The following ZNF638 variants were observed in gnomAD, a reference collection of about 807,000 sequenced individuals.
ZNF638 encodes CTCL tumor antigen se33-1.
A neutral mutation model predicts 195.6 loss-of-function variants in ZNF638; 46 were observed. The ratio of observed to expected loss-of-function variants is 0.24; its 90% CI spans 0.19 to 0.30. ZNF638 has a LOEUF of 0.30. ZNF638 is among the 10% of genes least tolerant of loss of function. ZNF638 has a pLI of 1.00. For synonymous variants in ZNF638, 845 were observed against 772.0 expected (o/e 1.09, Z -1.57); for missense variants, 2,440 against 2,325.3 (o/e 1.05, Z -1.01).
chr2:71,377,207 TG>T (rs1303240691), intron 8 of ZNF638, among the ~76,000 whole-genome samples: 2 of 152,066 alleles, frequency 1.3e-5, no homozygotes, highest in Non-Finnish European at 2.9e-5. Context: ...GGAGGTTGGC[TG>T]GGTGACGGAG....
At chr2:71,428,857 T>A (rs544933736) in intron 25 of ZNF638, 5 of 403,676 alleles carry the variant, frequency 1.2e-5, no homozygotes, top group Admixed American at 4.1e-5. Context: ...TGTGACAGAT[T>A]AGAGGAAATG....
chr2:71,363,319 C>A, intron 4 of ZNF638, 128 bp downstream of exon 4: 1 of 664,758 alleles, frequency 1.5e-6, no homozygotes, highest in Non-Finnish European at 2.5e-6. Context: ...GCAAAAACCT[C>A]TATGAATCTT....
At chr2:71,367,708 G>T (rs1300829733) in intron 6 of ZNF638, among the ~76,000 whole-genome samples, 1 of 150,504 alleles carries the variant, frequency 6.6e-6, no homozygotes, top group African/African-American at 2.4e-5. Context: ...CAAAGTGCTG[G>T]GATTACAGGC....
chr2:71,411,205 G>A (rs1249924285), intron 20 of ZNF638, among the ~76,000 whole-genome samples: 1 of 150,650 alleles, frequency 6.6e-6, no homozygotes, highest in Non-Finnish European at 1.5e-5. Context: ...TCACCATGCT[G>A]GTCAGGCTGG....
In ZNF638 at chr2:71,423,658, C is replaced by T; in HGVS notation, c.4144C>T (p.Leu1382=). The change falls in exon 22 of 28, where the codon CTG becomes TTG. Residue 1382 remains leucine, a synonymous_variant. Transcript: ENST00000264447. ...KPDETSKTSI[L]AVSDVSSSKP... is the part of the protein sequence containing the mutation. ...TGATGAAACTAGTAAAACTAGTATTCTGGCTGTATCAGATGTATCTAGCAG... is the reference window on the plus strand; with the variant it reads ...TGATGAAACTAGTAAAACTAGTATTTTGGCTGTATCAGATGTATCTAGCAG... 1 of 1,613,758 alleles carries T rather than the reference C, an allele frequency of 6.2e-7. No individual in the cohort carries two copies. Among genetic ancestry groups the T allele is most frequent in the Non-Finnish European group, 8.5e-7 (1 of 1,179,992 alleles).
rs58110916 is a variant in ZNF638, at chr2:71,352,495, TAAAAAAAAAA to T, written c.1317+2230_1317+2239del. ...TCCATCTCAAAAAAAATAAAAAAAA[TAAAAAAAAAA>T]AAAAAGAAGAGGAGGGTTGGCGGCA... On this transcript the variant is annotated intron_variant, in intron 2 of 27. Coordinates refer to ENST00000264447, the MANE Select transcript of ZNF638 (RefSeq NM_014497.5). 1.3e-4 allele frequency among the ~76,000 whole-genome samples: 17 copies of T among 134,630 alleles called. 1 individual carries two copies. The highest frequency in any genetic ancestry group is 4.1e-4 in the African/African-American group (15 of 36,588). 88.3% of individuals were successfully genotyped at this position (134,630 alleles called of 152,430 possible).
chr2:71,346,501 A>G (rs1401190238), intron 1 of ZNF638, among the ~76,000 whole-genome samples: 1 of 152,190 alleles, frequency 6.6e-6, no homozygotes, highest in East Asian at 1.9e-4. Context: ...GTTTCATTCT[A>G]ATTTGAAAAT....
At chr2:71,352,285 C>T (rs1177356645) in intron 2 of ZNF638, among the ~76,000 whole-genome samples, 2 of 151,956 alleles carry the variant, frequency 1.3e-5, no homozygotes, top group African/African-American at 4.8e-5. Flanking sequence ...CAAGACCACC[C>T]TTACTGACAT....
At chr2:71,411,474 A>ATTTTTTTTTTTT (rs537942317) in intron 20 of ZNF638, among the ~76,000 whole-genome samples, 1 of 122,772 alleles carries the variant, frequency 8.1e-6, no homozygotes, top group Non-Finnish European at 1.7e-5. Flanking sequence ...TTTATTTTTA[A>ATTTTTTTTTTTT]TTTTTTTTTT....
At chr2:71,389,570 C>T (rs2079726684) in intron 10 of ZNF638, among the ~76,000 whole-genome samples, 1 of 152,192 alleles carries the variant, frequency 6.6e-6, no homozygotes, top group African/African-American at 2.4e-5. Context: ...AACATAACAG[C>T]TGCTATGCTT....
chr2:71,390,967 A>G (rs2079763024), intron 10 of ZNF638, among the ~76,000 whole-genome samples: 1 of 152,186 alleles, frequency 6.6e-6, no homozygotes, highest in African/African-American at 2.4e-5. Flanking sequence ...AATAATGGCC[A>G]CTGTTGTTAT....
At chr2:71,406,370 C>T (rs1051711458) in intron 19 of ZNF638, 108 bp downstream of exon 19, 1 of 965,156 alleles carries the variant, frequency 1.0e-6, no homozygotes. Context: ...AAATATTACT[C>T]AACCACTTCG....
chr2:71,395,452 A>C (rs890422645), intron 10 of ZNF638: 7 of 623,758 alleles, frequency 1.1e-5, no homozygotes, highest in Non-Finnish European at 2.0e-5. Flanking sequence ...GGGAGAGAAT[A>C]AAGGCTGAAG....
chr2:71,380,409 G>C (rs17693408), intron 9 of ZNF638, 104 bp from the exon 10 acceptor site: 3 of 1,153,454 alleles, frequency 2.6e-6, no homozygotes, highest in Non-Finnish European at 3.7e-6. Context: ...TATCACTCCA[G>C]TTGAATTATT....
At chr2:71,332,063 G>A (rs1455034598) in intron 1 of ZNF638, among the ~76,000 whole-genome samples, 188 bp downstream of exon 1, 3 of 152,204 alleles carry the variant, frequency 2.0e-5, no homozygotes, top group African/African-American at 7.2e-5. Flanking sequence ...GGGAAGGGAA[G>A]CTGTGCTGTG....
At chr2:71,398,390 G>A (rs942790102) in intron 11 of ZNF638, among the ~76,000 whole-genome samples, 15 of 152,172 alleles carry the variant, frequency 9.9e-5, no homozygotes, top group African/African-American at 2.7e-4. Flanking sequence ...TTTCCCTCTT[G>A]TGGTGTCATG....
At chr2:71,397,199 C>A (rs76473068) in intron 11 of ZNF638, among the ~76,000 whole-genome samples, 2,012 of 152,232 alleles carry the variant, frequency 0.013, 41 homozygotes, top group African/African-American at 0.043. Flanking sequence ...TGGGATTAAG[C>A]TGATGGCCAC....
chr2:71,398,640 C>A, intron 11 of ZNF638, 61 bp from the exon 12 acceptor site: 1 of 1,274,706 alleles, frequency 7.8e-7, no homozygotes, highest in Non-Finnish European at 1.1e-6. Context: ...CTGTGAGGTT[C>A]TTTGGAGATT....
At chr2:71,404,057 A>G in intron 17 of ZNF638, 59 bp downstream of exon 17, 2 of 1,536,022 alleles carry the variant, frequency 1.3e-6, no homozygotes, top group Non-Finnish European at 1.8e-6. Flanking sequence ...GATTTGTTAC[A>G]GTCTGTTATG....
Sources: allele counts gnomAD v4.1 joint callset (sites outside exome capture counted in the v4.1 genomes callset), GRCh38; gene constraint gnomAD v4.1.1; transcripts MANE v1.5; gene names NCBI Gene and HGNC (gene_info 2026-07-23, HGNC 2026-07-21).